FCER1A: variants seen among roughly 807,000 people sequenced by gnomAD.
FCER1A encodes the protein high affinity immunoglobulin epsilon receptor subunit alpha.
FCER1A carries 24 observed loss-of-function variants against 23.6 expected under a neutral mutation model. That is an observed-to-expected ratio of 1.02 (90% CI 0.74 to 1.43). FCER1A has a LOEUF of 1.43. Ranked by LOEUF, FCER1A falls within the 40% of genes most tolerant of loss-of-function variation. FCER1A has a pLI of 0.00. For synonymous variants in FCER1A, 121 were observed against 108.8 expected (o/e 1.11, Z -0.70); for missense variants, 318 against 294.5 (o/e 1.08, Z -0.58).
rs891224869 is a variant in FCER1A, at chr1:159,306,017, G to A, written c.361G>A (p.Val121Met). Reference sequence around the variant, plus strand: ...GCTGCTCCTTCAGGCCTCTGCTGAGGTGGTGATGGAGGGCCAGCCCCTCTT... The same window carrying A: ...GCTGCTCCTTCAGGCCTCTGCTGAGATGGTGATGGAGGGCCAGCCCCTCTT... ...DWLLLQASAEVVMEGQPLFLR... is the reference protein window; with the variant it reads ...DWLLLQASAEMVMEGQPLFLR... Residue 121 changes from valine (V) to methionine (M), a missense_variant, in exon 4 of 5, where the codon GTG becomes ATG. Val to Met is a conservative substitution (Grantham distance 21). Coordinates refer to ENST00000693622, the MANE Select transcript of FCER1A (RefSeq NM_001387280.1). The A allele has an allele frequency of 3.7e-6, 6 of 1,613,814 alleles. No individual in the cohort carries two copies. The African/African-American group carries it at 5.3e-5, about 14-fold the overall frequency.
chr1:159,293,075 T>G (rs939179800), intron 1 of FCER1A, among the ~76,000 whole-genome samples: 22 of 151,866 alleles, frequency 1.4e-4, no homozygotes, highest in African/African-American at 5.3e-4. Flanking sequence ...AATTTCAGTC[T>G]CAGGTATTCA....
At chr1:159,287,479 T>C (rs1200628904), upstream of FCER1A, among the ~76,000 whole-genome samples, 1 of 152,070 alleles carries the variant, frequency 6.6e-6, no homozygotes, top group Admixed American at 6.6e-5. Flanking sequence ...AGAAATTAAC[T>C]AAAGAATATG....
intron 4 of FCER1A, among the ~76,000 whole-genome samples, chr1:159,306,638 A>G (rs917347899): frequency 1.5e-4 from 23 of 152,200 alleles, no homozygotes; most frequent in Non-Finnish European, 2.9e-4. Flanking sequence ...GAATGAAGAA[A>G]GGATATAAAG....
upstream of FCER1A, chr1:159,302,270 T>C (rs2251746): frequency 0.24 from 206,348 of 869,292 alleles, 27,560 homozygotes; most frequent in Non-Finnish European, 0.28. Context: ...CCAGATATGA[T>C]ACAGAAAACA....
rs760135453 is a variant in FCER1A at position 159,303,970 on chromosome 1, G to T, written c.119G>T (p.Arg40Ile). The part of the protein sequence containing the change: ...PKVSLNPPWN[R>I]IFKGENVTLT... ...GTCTCCTTGAACCCTCCATGGAATA[G>T]AATATTTAAAGGAGAGAATGTGACT... The change falls in exon 3 of 5, where the codon AGA becomes ATA. Residue 40 changes from arginine to isoleucine, a missense_variant. Coordinates refer to ENST00000693622, the MANE Select transcript of FCER1A (RefSeq NM_001387280.1). The T allele has an allele frequency of 1.2e-6, 2 of 1,612,194 alleles. No homozygotes were observed. Among genetic ancestry groups the T allele is most frequent in the East Asian group, 2.2e-5 (1 of 44,866 alleles).
chr1:159,303,863 C>A, intron 2 of FCER1A, 65 bp from the exon 3 acceptor site: 1 of 1,288,362 alleles, frequency 7.8e-7, no homozygotes, highest in Non-Finnish European at 1.1e-6. Flanking sequence ...TACTTTTAAG[C>A]CTAGACAGTT....
intron 1 of FCER1A, among the ~76,000 whole-genome samples, chr1:159,291,925 C>T (rs1223076348): frequency 6.6e-6 from 1 of 152,086 alleles, no homozygotes; most frequent in East Asian, 1.9e-4. Flanking sequence ...TTTACTTCAC[C>T]TCTCAACAAG....
chr1:159,301,741 C>G (rs1652434427), upstream of FCER1A, among the ~76,000 whole-genome samples: 1 of 152,158 alleles, frequency 6.6e-6, no homozygotes, highest in South Asian at 2.1e-4. Context: ...GCTAGCCATG[C>G]TCCTGAATAT....
chr1:159,303,305 A>T (rs1571080961), intron 2 of FCER1A, among the ~76,000 whole-genome samples: 1 of 152,108 alleles, frequency 6.6e-6, no homozygotes, highest in East Asian at 1.9e-4. Flanking sequence ...CCCTTTTGTT[A>T]TCACCATGTA....
chr1:159,302,651 T>C (rs1426323041), intron 1 of FCER1A, among the ~76,000 whole-genome samples: 13 of 152,172 alleles, frequency 8.5e-5, no homozygotes, highest in Admixed American at 6.5e-5. Context: ...TGCTCTGGCA[T>C]CTTCCAGAGT....
At chr1:159,296,984 T>G (rs114820795) in intron 1 of FCER1A, among the ~76,000 whole-genome samples, 2,956 of 152,270 alleles carry the variant, frequency 0.019, 48 homozygotes, top group Non-Finnish European at 0.035. Flanking sequence ...CTTCAAAAGT[T>G]GCCTATTAAA....
chr1:159,289,962 T>C (rs915598914), intron 1 of FCER1A, among the ~76,000 whole-genome samples: 1 of 152,170 alleles, frequency 6.6e-6, no homozygotes, highest in East Asian at 1.9e-4. Context: ...GGAGGTCAGA[T>C]TGTGGTAGTG....
intron 1 of FCER1A, among the ~76,000 whole-genome samples, chr1:159,292,952 T>G (rs55874210): frequency 0.15 from 23,190 of 151,800 alleles, 1,891 homozygotes; most frequent in Admixed American, 0.18. Flanking sequence ...CGGTGCCACC[T>G]CGGGAATCTG....
upstream of FCER1A, among the ~76,000 whole-genome samples, chr1:159,298,151 TC>T (rs139107530): frequency 3.5e-3 from 538 of 152,294 alleles, 19 homozygotes; most frequent in East Asian, 0.075. Context: ...CAAAGATGCT[TC>T]ATCGGCAAAG....
At chr1:159,300,009 G>C (rs1368131219), upstream of FCER1A, among the ~76,000 whole-genome samples, 1 of 151,954 alleles carries the variant, frequency 6.6e-6, no homozygotes, top group Non-Finnish European at 1.5e-5. Context: ...TGGGTAGTTT[G>C]GTTGCTTTTT....
upstream of FCER1A, chr1:159,302,163 T>C (rs1652447883): frequency 1.7e-6 from 1 of 578,940 alleles, no homozygotes; most frequent in Non-Finnish European, 3.1e-6. Context: ...GGATAGGGAG[T>C]GGAGTAAGTG....
chr1:159,295,093 A>G (rs1652260539), intron 1 of FCER1A, among the ~76,000 whole-genome samples: 1 of 152,206 alleles, frequency 6.6e-6, no homozygotes, highest in South Asian at 2.1e-4. Context: ...GAGAATACAA[A>G]AAATTATTTA....
intron 1 of FCER1A, among the ~76,000 whole-genome samples, chr1:159,290,351 A>G (rs773973566): frequency 6.6e-6 from 1 of 152,158 alleles, no homozygotes; most frequent in Non-Finnish European, 1.5e-5. Flanking sequence ...CCTCTCTCTC[A>G]GGTCCATTAC....
Position 159,306,246 on chromosome 1 carries a change from G to A in FCER1A, c.589+1G>A. 1 of 1,612,574 alleles carries A rather than the reference G, an allele frequency of 6.2e-7. No individual in the cohort carries two copies. ...CCCCTCAACATTACTGTAATAAAAGGTGAGTTGGTAAAGGAAAGGAAAAGC... is the reference window on the plus strand; with the variant it reads ...CCCCTCAACATTACTGTAATAAAAGATGAGTTGGTAAAGGAAAGGAAAAGC... On this transcript the variant is annotated splice_donor_variant, in intron 4 of 4. Transcript: ENST00000693622. LOFTEE classifies it high-confidence loss of function.
Sources: allele counts gnomAD v4.1 joint callset (sites outside exome capture counted in the v4.1 genomes callset), GRCh38; gene constraint gnomAD v4.1.1; transcripts MANE v1.5; gene names NCBI Gene and HGNC (gene_info 2026-07-23, HGNC 2026-07-21).